TMTC1: variants seen among roughly 807,000 people sequenced by gnomAD.
TMTC1 encodes transmembrane O-mannosyltransferase targeting cadherins 1.
Under a neutral mutation model 104.8 loss-of-function variants are expected in TMTC1, and 73 were observed. The ratio of observed to expected loss-of-function variants is 0.70; its 90% CI spans 0.58 to 0.85. The LOEUF (loss-of-function observed/expected upper bound fraction) is 0.85. Ranked by LOEUF, TMTC1 falls within the 40% of genes least tolerant of loss-of-function variation. The pLI, the probability that TMTC1 is intolerant of heterozygous loss-of-function variation, is 0.00. For missense variants in TMTC1, 1,035 were observed against 1,096.1 expected (o/e 0.94, Z 0.79); for synonymous variants, 434 against 428.7 (o/e 1.01, Z -0.15).
chr12:29,705,560 C>T (rs1320112347), intron 5 of TMTC1, among the ~76,000 whole-genome samples: 1 of 152,138 alleles, frequency 6.6e-6, no homozygotes, highest in Non-Finnish European at 1.5e-5. Flanking sequence ...TCCTTGCTTA[C>T]ACTGCTTGTC....
intron 7 of TMTC1, among the ~76,000 whole-genome samples, chr12:29,591,260 G>C (rs1277676270): frequency 6.6e-6 from 1 of 151,766 alleles, no homozygotes; most frequent in Non-Finnish European, 1.5e-5. Flanking sequence ...GCAGGGGAGA[G>C]AAACGCACTC....
intron 5 of TMTC1, among the ~76,000 whole-genome samples, chr12:29,718,879 G>A (rs1942154830): frequency 6.8e-6 from 1 of 146,812 alleles, no homozygotes; most frequent in Non-Finnish European, 1.5e-5. Context: ...CTTGCAGTGA[G>A]CTGAGATCGC....
chr12:29,565,335 G>A (rs1363871624), intron 9 of TMTC1, among the ~76,000 whole-genome samples: 1 of 152,134 alleles, frequency 6.6e-6, no homozygotes, highest in Non-Finnish European at 1.5e-5. Flanking sequence ...CACCTTTGTA[G>A]GAACATCTAG....
intron 5 of TMTC1, among the ~76,000 whole-genome samples, chr12:29,672,274 T>C (rs1445505056): frequency 6.6e-6 from 1 of 152,096 alleles, no homozygotes; most frequent in African/African-American, 2.4e-5. Context: ...CAGAAGAAAA[T>C]GTTTCCACAG....
In TMTC1 at chr12:29,506,802, C is replaced by CA; in HGVS notation, c.*43dup. 6.2e-7 allele frequency: 1 copy of CA among 1,611,258 alleles called. No homozygotes were observed. Among genetic ancestry groups the CA allele is most frequent in the Non-Finnish European group, 8.5e-7 (1 of 1,177,892 alleles). ...AGCAAGGCTTCCATCACTCCCCTTT[C>CA]AGAGGCACCACATTATCCTATGAGG... On this transcript the variant is annotated 3_prime_UTR_variant, in exon 18 of 18. Transcript: ENST00000539277.
chr12:29,740,269 C>A (rs1471813408), intron 5 of TMTC1, among the ~76,000 whole-genome samples: 1 of 152,096 alleles, frequency 6.6e-6, no homozygotes, highest in African/African-American at 2.4e-5. Flanking sequence ...AAGTATTAAT[C>A]CTGGGTGAGT....
intron 6 of TMTC1, among the ~76,000 whole-genome samples, chr12:29,632,931 T>C (rs910005607): frequency 3.3e-5 from 5 of 152,136 alleles, no homozygotes; most frequent in Admixed American, 3.3e-4. Flanking sequence ...ACCTCTCATT[T>C]ACAAACATTA....
chr12:29,532,936 T>C (rs1944545821), intron 11 of TMTC1: 1 of 152,148 alleles, frequency 6.6e-6, no homozygotes, highest in Admixed American at 6.6e-5. Context: ...AACCTTTACA[T>C]GCTGACAGTC....
At chr12:29,773,562 G>T (rs1943641697) in intron 1 of TMTC1, among the ~76,000 whole-genome samples, 1 of 152,138 alleles carries the variant, frequency 6.6e-6, no homozygotes, top group Admixed American at 6.6e-5. Context: ...GCATAGGTCT[G>T]CAAACTGGGT....
intron 5 of TMTC1, among the ~76,000 whole-genome samples, chr12:29,644,275 C>T (rs1939166688): frequency 6.6e-6 from 1 of 150,670 alleles, no homozygotes; most frequent in East Asian, 2.0e-4. Context: ...GAAAACCAAA[C>T]ATCGTATGTT....
chr12:29,657,649 AT>A (rs767452115), intron 5 of TMTC1, among the ~76,000 whole-genome samples: 13 of 152,218 alleles, frequency 8.5e-5, no homozygotes, highest in Non-Finnish European at 1.8e-4. Context: ...TGATAATCGA[AT>A]TGGAATATAT....
intron 5 of TMTC1, among the ~76,000 whole-genome samples, chr12:29,694,572 G>A (rs75444997): frequency 0.14 from 20,999 of 150,830 alleles, 1,735 homozygotes; most frequent in East Asian, 0.34. Flanking sequence ...TGAAATCCAC[G>A]GATATGGAAG....
chr12:29,656,916 T>C (rs1361953947), intron 5 of TMTC1, among the ~76,000 whole-genome samples: 4 of 152,170 alleles, frequency 2.6e-5, no homozygotes, highest in Non-Finnish European at 5.9e-5. Flanking sequence ...GCCCCTAAGA[T>C]GTTACAGCTA....
chr12:29,715,479 A>G (rs12424281), intron 5 of TMTC1, among the ~76,000 whole-genome samples: 2 of 152,234 alleles, frequency 1.3e-5, no homozygotes, highest in Admixed American at 1.3e-4. Context: ...ATGCATTTCA[A>G]TAACATTTTA....
chr12:29,645,889 G>A (rs184181924), intron 5 of TMTC1, among the ~76,000 whole-genome samples: 6 of 152,196 alleles, frequency 3.9e-5, no homozygotes, highest in African/African-American at 7.2e-5. Context: ...TTGTGTATAC[G>A]GATTATTTGA....
At chr12:29,527,394 C>T (rs1212536811) in intron 11 of TMTC1, among the ~76,000 whole-genome samples, 3 of 152,122 alleles carry the variant, frequency 2.0e-5, no homozygotes, top group Non-Finnish European at 4.4e-5. Flanking sequence ...GGAATTCAGA[C>T]AAGAAGGAGG....
chr12:29,695,555 T>C (rs995124974), intron 5 of TMTC1, among the ~76,000 whole-genome samples: 4 of 151,704 alleles, frequency 2.6e-5, no homozygotes, highest in East Asian at 3.9e-4. Context: ...TCTGGCCGCC[T>C]CAGCCTCCCA....
intron 5 of TMTC1, among the ~76,000 whole-genome samples, chr12:29,636,205 C>G (rs1938540270): frequency 6.6e-6 from 1 of 152,068 alleles, no homozygotes; most frequent in African/African-American, 2.4e-5. Flanking sequence ...ACAAGATGGC[C>G]TGGAGTTATT....
At chr12:29,710,961 TATTAATAATATATAAATATATATATA>T (rs1238525038) in intron 5 of TMTC1, among the ~76,000 whole-genome samples, 4 of 64,060 alleles carry the variant, frequency 6.2e-5, no homozygotes, top group Non-Finnish European at 1.5e-4. Flanking sequence ...TATATAAATA[TATTAATAATATATAAATATATATATA>T]TTTTTTCCCC....
Sources: allele counts gnomAD v4.1 joint callset (sites outside exome capture counted in the v4.1 genomes callset), GRCh38; gene constraint gnomAD v4.1.1; transcripts MANE v1.5; gene names NCBI Gene and HGNC (gene_info 2026-07-23, HGNC 2026-07-21).